ALDOA: variants seen among roughly 807,000 people sequenced by gnomAD.
The protein encoded by ALDOA is fructose-bisphosphate aldolase A.
A neutral mutation model predicts 43.9 loss-of-function variants in ALDOA; 26 were observed. That is an observed-to-expected ratio of 0.59 (90% CI 0.43 to 0.82). ALDOA has a LOEUF of 0.82. ALDOA is among the 40% of genes least tolerant of loss of function. The probability of loss-of-function intolerance (pLI) is 0.00; values close to 1 mark genes in which losing one functional copy is unlikely to be tolerated. For missense variants in ALDOA, 498 were observed against 549.5 expected (o/e 0.91, Z 0.94); for synonymous variants, 258 against 222.6 (o/e 1.16, Z -1.42).
At position 30,069,871 on chromosome 16, in the gene ALDOA, T is replaced by A. The variant is rs901107752; in HGVS notation, c.1003T>A (p.Ser335Thr). 6.2e-7 allele frequency: 1 copy of A among 1,614,088 alleles called. No homozygotes were observed. The highest frequency in any genetic ancestry group is 8.5e-7 in the Non-Finnish European group (1 of 1,180,016). Reference protein sequence around the residue: ...LSGGQSEEEASINLNAINKCP... With the variant: ...LSGGQSEEEATINLNAINKCP... ...TGGAGGCCAGAGTGAGGAGGAGGCGTCCATCAACCTCAATGCCATTAACAA... is the reference window on the plus strand; with the variant it reads ...TGGAGGCCAGAGTGAGGAGGAGGCGACCATCAACCTCAATGCCATTAACAA... The change falls in exon 9 of 10, where the codon TCC becomes ACC. Residue 335 changes from serine (S) to threonine (T), a missense_variant. By Grantham distance (58) the Ser-to-Thr change is moderately conservative. Coordinates refer to ENST00000642816, the MANE Select transcript of ALDOA (RefSeq NM_001243177.4).
At chr16:30,068,344 G>A (rs546697637) in intron 4 of ALDOA, 116 of 396,980 alleles carry the variant, frequency 2.9e-4, no homozygotes, top group Non-Finnish European at 5.2e-4. Flanking sequence ...GATTACAGGC[G>A]TGAGCCACCA....
intron 6 of ALDOA, 84 bp from the exon 7 acceptor site, chr16:30,069,221 AC>A: frequency 1.3e-6 from 2 of 1,483,496 alleles, no homozygotes; most frequent in South Asian, 2.3e-5. Flanking sequence ...TCATCAAGAT[AC>A]GGTCTTGACC....
chr16:30,068,618 C>T, intron 4 of ALDOA, 28 bp from the exon 5 acceptor site: 1 of 1,613,600 alleles, frequency 6.2e-7, no homozygotes, highest in Non-Finnish European at 8.5e-7. Context: ...TTTCCTGTGT[C>T]TTAATGTTGT....
intron 6 of ALDOA, 160 bp downstream of exon 6, chr16:30,069,138 A>AGG: frequency 8.1e-6 from 11 of 1,355,606 alleles, no homozygotes; most frequent in Non-Finnish European, 1.1e-5. Context: ...GGGGCCAAGG[A>AGG]GGGATGGTGG....
Position 30,067,288 on chromosome 16 carries a change from CAGA to C in ALDOA, c.202_204del (p.Lys68del). On this transcript the variant is annotated inframe_deletion, in exon 3 of 10. Coordinates refer to ENST00000642816, the MANE Select transcript of ALDOA (RefSeq NM_001243177.4). The stretch of plus-strand genomic sequence containing the variant: ...CCAATATCCAGCACTGACCCCGGAG[CAGA>C]AGAAGGAGCTGTCTGACATCGCTCA... 7 of 1,612,700 alleles carry C rather than the reference CAGA, an allele frequency of 4.3e-6. No individual in the cohort carries two copies. Among genetic ancestry groups the C allele is most frequent in the South Asian group, 1.1e-5 (1 of 91,014 alleles).
chr16:30,066,700 G>A (rs2072117811), intron 1 of ALDOA, among the ~76,000 whole-genome samples, 185 bp from the exon 2 acceptor site: 1 of 152,224 alleles, frequency 6.6e-6, no homozygotes, highest in South Asian at 2.1e-4. Context: ...GAGGGGATTG[G>A]AAGGAACACC....
chr16:30,065,852 T>C lies in ALDOA; in HGVS notation c.-89T>C, dbSNP rs1038464541. 6 of 152,762 alleles carry C rather than the reference T, an allele frequency of 3.9e-5. No homozygotes were observed. Among genetic ancestry groups the C allele is most frequent in the South Asian group, 2.0e-4 (1 of 4,942 alleles). 9.5% of individuals were successfully genotyped at this position (152,762 alleles called of 1,614,324 possible). ...GGGGTCCTGGTGACGAGTCCCGCGT[T>C]CTCTCCTTGAATCCACTCGCCAGCC... is the stretch of plus-strand genomic sequence containing the variant. On this transcript the variant is annotated 5_prime_UTR_variant, in exon 1 of 10. Coordinates refer to ENST00000642816, the MANE Select transcript of ALDOA (RefSeq NM_001243177.4).
rs746388986 is a variant in ALDOA, at chr16:30,069,590, C to T, written c.878C>T (p.Ala293Val). 2 of 1,614,008 alleles carry T rather than the reference C, an allele frequency of 1.2e-6. No homozygotes were observed. Among genetic ancestry groups the T allele is most frequent in the Non-Finnish European group, 1.7e-6 (2 of 1,180,040 alleles). The change falls in exon 8 of 10, where the codon GCT becomes GTT. Residue 293 changes from alanine (A) to valine (V), a missense_variant. Coordinates refer to ENST00000642816, the MANE Select transcript of ALDOA (RefSeq NM_001243177.4). ...CCCAACATGGTCACCCCAGGCCATG[C>T]TTGCACTCAGAAGTTTTCTCATGAG... ...LKPNMVTPGH[A>V]CTQKFSHEEI...
At chr16:30,067,181 G>A (rs2072140376) in intron 2 of ALDOA, 53 bp from the exon 3 acceptor site, 2 of 1,610,198 alleles carry the variant, frequency 1.2e-6, no homozygotes, top group African/African-American at 2.7e-5. Context: ...GTCATCGGGA[G>A]ATGATGGGAA....
At position 30,068,885 on chromosome 16, in the gene ALDOA, T is replaced by C. The variant is rs765883841; in HGVS notation, c.609T>C (p.Arg203=). The change falls in exon 6 of 10, where the codon CGT becomes CGC. Residue 203 remains arginine, a synonymous_variant. Coordinates refer to ENST00000642816, the MANE Select transcript of ALDOA (RefSeq NM_001243177.4). ...ACGGAGCTGACTTCGCCAAGTGGCGTTGTGTGCTGAAGATTGGGGAACACA... is the reference window on the plus strand; with the variant it reads ...ACGGAGCTGACTTCGCCAAGTGGCGCTGTGTGCTGAAGATTGGGGAACACA... The part of the protein sequence containing the change: ...KKDGADFAKW[R]CVLKIGEHTP... 8.1e-6 allele frequency: 13 copies of C among 1,614,190 alleles called. No individual in the cohort carries two copies. In the Admixed American group the frequency reaches 1.7e-4, roughly 21 times the overall value.
chr16:30,067,484 C>A lies in ALDOA; in HGVS notation c.309C>A (p.Thr103=). The A allele has an allele frequency of 1.2e-6, 2 of 1,613,316 alleles. No homozygotes were observed. Among genetic ancestry groups the A allele is most frequent in the Non-Finnish European group, 1.7e-6 (2 of 1,180,006 alleles). The change falls in exon 4 of 10, where the codon ACC becomes ACA. Residue 103 remains threonine, a synonymous_variant. Transcript: ENST00000642816. The stretch of plus-strand genomic sequence containing the variant: ...CCAAGCGGCTGCAGTCCATTGGCAC[C>A]GAGAACACCGAGGAGAACCGGCGCT... ...SIAKRLQSIG[T]ENTEENRRFY... is the part of the protein sequence containing the mutation.
In ALDOA at chr16:30,068,897, G is replaced by C; in HGVS notation, c.621G>C (p.Lys207Asn). 1 of 1,614,244 alleles carries C rather than the reference G, an allele frequency of 6.2e-7. No individual in the cohort carries two copies. Among genetic ancestry groups the C allele is most frequent in the Non-Finnish European group, 8.5e-7 (1 of 1,180,050 alleles). Reference protein sequence around the residue: ...ADFAKWRCVLKIGEHTPSALA... With the variant: ...ADFAKWRCVLNIGEHTPSALA... ...TCGCCAAGTGGCGTTGTGTGCTGAA[G>C]ATTGGGGAACACACCCCCTCAGCCC... Residue 207 changes from lysine to asparagine, a missense_variant, in exon 6 of 10, where the codon AAG (lysine) becomes AAC (asparagine). Coordinates refer to ENST00000642816, the MANE Select transcript of ALDOA (RefSeq NM_001243177.4).
chr16:30,069,603 G>C lies in ALDOA; in HGVS notation c.891G>C (p.Lys297Asn), dbSNP rs1040451681. ...CCCCAGGCCATGCTTGCACTCAGAA[G>C]TTTTCTCATGAGGAGATTGCCATGG... ...MVTPGHACTQKFSHEEIAMAT... is the reference protein window; with the variant it reads ...MVTPGHACTQNFSHEEIAMAT... Residue 297 changes from lysine (K) to asparagine (N), a missense_variant, in exon 8 of 10, where the codon AAG (lysine) becomes AAC (asparagine). Coordinates refer to ENST00000642816, the MANE Select transcript of ALDOA (RefSeq NM_001243177.4). 3 of 1,614,014 alleles carry C rather than the reference G, an allele frequency of 1.9e-6. No homozygotes were observed. In the African/African-American group the frequency reaches 4.0e-5, roughly 22 times the overall value.
chr16:30,068,717 TC>T lies in ALDOA; in HGVS notation c.541+18del. 1 of 1,614,216 alleles carries T rather than the reference TC, an allele frequency of 6.2e-7. No individual in the cohort carries two copies. Among genetic ancestry groups the T allele is most frequent in the Non-Finnish European group, 8.5e-7 (1 of 1,180,036 alleles). On this transcript the variant is annotated intron_variant, in intron 5 of 9. Coordinates refer to ENST00000642816, the MANE Select transcript of ALDOA (RefSeq NM_001243177.4). ...CCACCCAAGGTGAGAACTGTTTGAT[TC>T]TCTGCCCTACGAACCCAACCAGAGC...
chr16:30,068,930 C>A lies in ALDOA; in HGVS notation c.654C>A (p.Ile218=). 1 of 1,614,266 alleles carries A rather than the reference C, an allele frequency of 6.2e-7. No homozygotes were observed. Among genetic ancestry groups the A allele is most frequent in the Non-Finnish European group, 8.5e-7 (1 of 1,180,050 alleles). ...IGEHTPSALA[I]MENANVLARY... ...AACACACCCCCTCAGCCCTCGCCAT[C>A]ATGGAAAATGCCAATGTTCTGGCCC... is the stretch of plus-strand genomic sequence containing the variant. Residue 218 remains isoleucine (I), a synonymous_variant, in exon 6 of 10, where the codon ATC becomes ATA. Coordinates refer to ENST00000642816, the MANE Select transcript of ALDOA (RefSeq NM_001243177.4).
At position 30,068,189 on chromosome 16, in the gene ALDOA, C is replaced by G. The variant is rs188263087; in HGVS notation, c.487-457C>G. 1,944 of 300,412 alleles carry G rather than the reference C, an allele frequency of 6.5e-3. 37 individuals are homozygous for G. Among genetic ancestry groups the G allele is most frequent in the African/African-American group, 0.04 (1,806 of 45,506 alleles). The allele number at this position is 300,412 out of a possible 1,614,324, so 18.6% of individuals were successfully genotyped here. ...ACGCCATTCTCCTGCCTCAGCCTCC[C>G]GAGTAGCTGGGACTACAGGCGCCCG... is the stretch of plus-strand genomic sequence containing the variant. On this transcript the variant is annotated intron_variant, in intron 4 of 9. Coordinates refer to ENST00000642816, the MANE Select transcript of ALDOA (RefSeq NM_001243177.4).
At position 30,067,485 on chromosome 16, in the gene ALDOA, G is replaced by A. The variant is rs1370360466; in HGVS notation, c.310G>A (p.Glu104Lys). ...IAKRLQSIGTENTEENRRFYR... is the reference protein window; with the variant it reads ...IAKRLQSIGTKNTEENRRFYR... ...CAAGCGGCTGCAGTCCATTGGCACCGAGAACACCGAGGAGAACCGGCGCTT... is the reference window on the plus strand; with the variant it reads ...CAAGCGGCTGCAGTCCATTGGCACCAAGAACACCGAGGAGAACCGGCGCTT... The change falls in exon 4 of 10, where the codon GAG becomes AAG. Residue 104 changes from glutamate (E) to lysine (K), a missense_variant. Glu to Lys is a moderately conservative substitution (Grantham distance 56, BLOSUM62 1). Transcript: ENST00000642816. 8.1e-6 allele frequency: 13 copies of A among 1,613,136 alleles called. No homozygotes were observed. The highest frequency in any genetic ancestry group is 1.1e-5 in the South Asian group (1 of 91,068).
rs759139411 is a variant in ALDOA, at chr16:30,069,642, G to A, written c.930G>A (p.Ala310=). 1.7e-5 allele frequency: 28 copies of A among 1,613,606 alleles called. No individual in the cohort carries two copies. The highest frequency in any genetic ancestry group is 2.0e-5 in the Non-Finnish European group (24 of 1,180,020). Residue 310 remains alanine (A), a synonymous_variant, in exon 8 of 10, where the codon GCG becomes GCA. Coordinates refer to ENST00000642816, the MANE Select transcript of ALDOA (RefSeq NM_001243177.4). The stretch of plus-strand genomic sequence containing the variant: ...AGATTGCCATGGCGACCGTCACAGC[G>A]CTGCGCCGCACAGTGCCCCCCGCTG... ...HEEIAMATVT[A]LRRTVPPAVT... is the part of the protein sequence containing the mutation.
chr16:30,070,288 C>T lies in ALDOA; in HGVS notation c.*76C>T, dbSNP rs886051896. 60 of 1,461,598 alleles carry T rather than the reference C, an allele frequency of 4.1e-5. 1 individual carries two copies. Among genetic ancestry groups the T allele is most frequent in the African/African-American group, 9.7e-5 (7 of 71,840 alleles). The allele number at this position is 1,461,598 out of a possible 1,614,324, so 90.5% of individuals were successfully genotyped here. A position where few individuals can be genotyped will look rare whatever the true frequency, so the allele number is the denominator to read the frequency against. On this transcript the variant is annotated 3_prime_UTR_variant, in exon 10 of 10. Transcript: ENST00000642816. Reference sequence around the variant, plus strand: ...ACTCTTGAAGAGGAGGCCGCCTCCTCGGGGCTCCAGGCTGGCTTGCCCGCG... The same window carrying T: ...ACTCTTGAAGAGGAGGCCGCCTCCTTGGGGCTCCAGGCTGGCTTGCCCGCG...
Sources: gnomAD v4.1 joint callset for allele counts (sites outside exome capture counted in the v4.1 genomes callset) on GRCh38, gnomAD v4.1.1 for gene constraint, MANE v1.5 for transcripts, NCBI Gene and HGNC (gene_info 2026-07-23, HGNC 2026-07-21) for gene names.